Variants in CSTL1 observed in about 807,000 individuals in gnomAD.
The protein encoded by CSTL1 is cystatin-like 1.
Under a neutral mutation model 14.4 loss-of-function variants are expected in CSTL1, and 14 were observed. The ratio of observed to expected loss-of-function variants is 0.97; its 90% CI spans 0.64 to 1.52. CSTL1 has a LOEUF of 1.52. Among genes scored for constraint, CSTL1 ranks in the 40% most tolerant of loss-of-function variants. CSTL1 has a pLI of 0.00. For synonymous variants in CSTL1, 72 were observed against 67.5 expected (o/e 1.07, Z -0.33); for missense variants, 170 against 168.7 (o/e 1.01, Z -0.04).
chr20:23,445,254 C>T (rs1986944257), downstream of CSTL1, among the ~76,000 whole-genome samples: 1 of 134,588 alleles, frequency 7.4e-6, no homozygotes, highest in Non-Finnish European at 1.6e-5. Context: ...TTTTTTGAGA[C>T]ACAGTCTTGC....
intron 2 of CSTL1, 137 bp from the exon 3 acceptor site, chr20:23,443,796 GC>G: frequency 3.2e-6 from 2 of 630,592 alleles, no homozygotes; most frequent in East Asian, 5.8e-5. Context: ...GGAGAAGGGA[GC>G]CATGCTTTTG....
intron 2 of CSTL1, 63 bp downstream of exon 2, chr20:23,440,549 G>A (rs1477862751): frequency 7.8e-7 from 1 of 1,274,714 alleles, no homozygotes; most frequent in Non-Finnish European, 1.1e-6. Flanking sequence ...GACATGTGAG[G>A]ATTCTGGGGT....
At chr20:23,457,050 G>A in the CSTL1 span, among the ~76,000 whole-genome samples, 8 of 152,300 alleles carry the variant, frequency 5.3e-5, no homozygotes, top group African/African-American at 1.4e-4. Flanking sequence ...CGGACATCTC[G>A]GGTGGGGTGT....
At position 23,443,848 on chromosome 20, in the gene CSTL1, T is replaced by A. The variant is rs955109877; in HGVS notation, c.220-86T>A. 77 of 942,794 alleles carry A rather than the reference T, an allele frequency of 8.2e-5. No homozygotes were observed. In the African/African-American group the frequency reaches 9.7e-4, roughly 12 times the overall value. 58.4% of individuals were successfully genotyped at this position (942,794 alleles called of 1,614,324 possible). On this transcript the variant is annotated intron_variant, in intron 2 of 3. Coordinates refer to ENST00000347397, the MANE Select transcript of CSTL1 (RefSeq NM_138283.1). ...GAACAAGAACTGTGGCCCTGGGAGCTTTACTCTCAGTCCTAGCTTCTCCAG... is the reference window on the plus strand; with the variant it reads ...GAACAAGAACTGTGGCCCTGGGAGCATTACTCTCAGTCCTAGCTTCTCCAG...
chr20:23,460,916 C>T, the CSTL1 span, among the ~76,000 whole-genome samples: 79 of 152,280 alleles, frequency 5.2e-4, no homozygotes, highest in African/African-American at 1.8e-3. Context: ...CTACTCGCCT[C>T]CCCCATATTC....
the CSTL1 span, among the ~76,000 whole-genome samples, chr20:23,457,325 C>T: frequency 6.6e-6 from 1 of 152,176 alleles, no homozygotes; most frequent in East Asian, 1.9e-4. Context: ...TTCCCGACTC[C>T]TGGACATTTC....
chr20:23,449,353 C>T (rs1443828240), downstream of CSTL1, among the ~76,000 whole-genome samples: 1 of 152,182 alleles, frequency 6.6e-6, no homozygotes, highest in Non-Finnish European at 1.5e-5. Flanking sequence ...AATACCCCAA[C>T]TCCCTCTCCC....
intron 2 of CSTL1, 51 bp downstream of exon 2, chr20:23,440,537 C>A: frequency 7.2e-7 from 1 of 1,389,994 alleles, no homozygotes; most frequent in South Asian, 1.2e-5. Flanking sequence ...CTTGCCAGTT[C>A]AGACATGTGA....
downstream of CSTL1, among the ~76,000 whole-genome samples, chr20:23,449,396 A>G (rs1173832290): frequency 6.6e-6 from 1 of 151,604 alleles, no homozygotes; most frequent in Non-Finnish European, 1.5e-5. Context: ...TGCCGTGTGT[A>G]TGTGTGTGTG....
At chr20:23,449,305 C>T (rs187666749), downstream of CSTL1, among the ~76,000 whole-genome samples, 8 of 152,250 alleles carry the variant, frequency 5.3e-5, no homozygotes, top group Non-Finnish European at 1.2e-4. Context: ...TTCATGCCCC[C>T]TAAGAGCCAA....
chr20:23,443,685 T>C (rs1402277907), intron 2 of CSTL1, among the ~76,000 whole-genome samples: 1 of 152,200 alleles, frequency 6.6e-6, no homozygotes, highest in African/African-American at 2.4e-5. Context: ...GTCCTGAGGA[T>C]GGAACAGAGG....
At chr20:23,460,731 A>G in the CSTL1 span, among the ~76,000 whole-genome samples, 2 of 152,210 alleles carry the variant, frequency 1.3e-5, no homozygotes, top group Non-Finnish European at 2.9e-5. Flanking sequence ...CATTTTACTT[A>G]AGATAACACA....
rs200792247 is a variant in CSTL1 at position 23,444,044 on chromosome 20, G to A, written c.330G>A (p.Lys110=). The change falls in exon 3 of 4, where the codon AAG becomes AAA. Residue 110 remains lysine (K), a splice_region_variant and synonymous_variant. Transcript: ENST00000347397. ...CCCTGCAAAGCAAGAAGCTGAGAAA[G>A]GTGTGTAGTGGAAGTCATCCCAAAG... ...SCPLQSKKLR[K]SLICESLIYT... is the part of the protein sequence containing the mutation. 1.2e-6 allele frequency: 2 copies of A among 1,610,028 alleles called. No homozygotes were observed. The highest frequency in any genetic ancestry group is 1.7e-6 in the Non-Finnish European group (2 of 1,176,336).
chr20:23,460,039 C>T, the CSTL1 span, among the ~76,000 whole-genome samples: 1 of 152,314 alleles, frequency 6.6e-6, no homozygotes, highest in Admixed American at 6.5e-5. Flanking sequence ...TTTATACTTC[C>T]CCAGCTTGTA....
At chr20:23,452,491 T>C in the CSTL1 span, 1 of 814,198 alleles carries the variant, frequency 1.2e-6, no homozygotes, top group African/African-American at 1.7e-5. Flanking sequence ...TAAGCAAGGT[T>C]GAATTTCCCT....
chr20:23,457,576 A>C, the CSTL1 span: 1 of 151,122 alleles, frequency 6.6e-6, no homozygotes, highest in Non-Finnish European at 1.5e-5. Context: ...TATATATATA[A>C]ATTTTTTTAA....
At chr20:23,448,843 C>T (rs1346383536), downstream of CSTL1, among the ~76,000 whole-genome samples, 2 of 152,146 alleles carry the variant, frequency 1.3e-5, no homozygotes, top group Admixed American at 6.5e-5. Flanking sequence ...ATGCCTGCTT[C>T]GTGTTAGGCA....
downstream of CSTL1, among the ~76,000 whole-genome samples, chr20:23,445,906 G>T (rs949186372): frequency 6.6e-6 from 1 of 152,120 alleles, no homozygotes; most frequent in African/African-American, 2.4e-5. Flanking sequence ...GAGAAAACCA[G>T]CCAGGAGCTT....
At chr20:23,451,880 T>C in the CSTL1 span, 22 of 1,614,072 alleles carry the variant, frequency 1.4e-5, no homozygotes, top group Non-Finnish European at 1.8e-5. Flanking sequence ...GGTGGTCCAC[T>C]GCATTTCCAC....
Sources: gnomAD v4.1 joint callset for allele counts (sites outside exome capture counted in the v4.1 genomes callset) on GRCh38, gnomAD v4.1.1 for gene constraint, MANE v1.5 for transcripts, NCBI Gene and HGNC (gene_info 2026-07-23, HGNC 2026-07-21) for gene names.